SLCO3A1: variants seen among roughly 807,000 people sequenced by gnomAD.
SLCO3A1 encodes the protein solute carrier organic anion transporter family member 3A1.
A neutral mutation model predicts 63.1 loss-of-function variants in SLCO3A1; 27 were observed. The observed-to-expected ratio is 0.43, with a 90% CI of 0.32 to 0.59. The LOEUF is 0.59. Among genes scored for constraint, SLCO3A1 ranks in the 20% least tolerant of loss-of-function variants. The probability of loss-of-function intolerance (pLI) is 0.09; values close to 1 mark genes in which losing one functional copy is unlikely to be tolerated. For synonymous variants in SLCO3A1, 473 were observed against 409.9 expected, an observed-to-expected ratio of 1.15 and a Z score of -1.86; for missense variants, 773 against 945.8, an observed-to-expected ratio of 0.82 and a Z score of 2.40.
intron 2 of SLCO3A1, among the ~76,000 whole-genome samples, chr15:91,933,327 C>G (rs979213428): frequency 2.0e-5 from 3 of 152,098 alleles, no homozygotes; most frequent in Non-Finnish European, 2.9e-5. Context: ...ATCTACAAAC[C>G]AAGAATATTC....
intron 4 of SLCO3A1, 33 bp downstream of exon 4, chr15:92,104,575 C>A (rs1214150330): frequency 6.3e-7 from 1 of 1,598,284 alleles, no homozygotes; most frequent in Admixed American, 1.7e-5. Flanking sequence ...CTGCTCAGAA[C>A]AGTAGGGGGA....
At chr15:92,107,949 G>T (rs1348738169) in intron 4 of SLCO3A1, among the ~76,000 whole-genome samples, 1 of 152,232 alleles carries the variant, frequency 6.6e-6, no homozygotes, top group Non-Finnish European at 1.5e-5. Flanking sequence ...TGTAAGGTCA[G>T]TGTCACTGTT....
At chr15:91,880,403 C>CTGTGTGTG (rs1324272484) in intron 1 of SLCO3A1, among the ~76,000 whole-genome samples, 9 of 140,664 alleles carry the variant, frequency 6.4e-5, no homozygotes, top group East Asian at 2.2e-4. Context: ...CTCTCTCTCT[C>CTGTGTGTG]TCTCTCTGTG....
rs74030470 is a variant in SLCO3A1 at position 92,085,270 on chromosome 15, C to T, written c.647-9611C>T. ...CTGTAAGTTTTGATTTCAGAGTAGC[C>T]GTGTGCCTGCATCTGAATGGACTCC... On this transcript the variant is annotated intron_variant, in intron 2 of 9. Transcript: ENST00000318445. 8.4e-3 allele frequency among the ~76,000 whole-genome samples: 1,272 copies of T among 152,268 alleles called. 15 individuals are homozygous for T. The highest frequency in any genetic ancestry group is 0.029 in the African/African-American group (1,217 of 41,550).
At chr15:92,021,981 G>A (rs2046515208) in intron 2 of SLCO3A1, among the ~76,000 whole-genome samples, 1 of 152,174 alleles carries the variant, frequency 6.6e-6, no homozygotes, top group Admixed American at 6.5e-5. Flanking sequence ...TGGAGTGGCA[G>A]GAAGGCAAAG....
intron 1 of SLCO3A1, among the ~76,000 whole-genome samples, chr15:91,910,982 T>G (rs181850625): frequency 2.6e-5 from 4 of 152,304 alleles, no homozygotes; most frequent in African/African-American, 9.6e-5. Context: ...GTTTTTTTGT[T>G]AAGTGAATGC....
chr15:91,945,221 AATCTC>A (rs888243978), intron 2 of SLCO3A1, among the ~76,000 whole-genome samples: 14 of 152,042 alleles, frequency 9.2e-5, no homozygotes, highest in African/African-American at 3.1e-4. Context: ...GTGTGCCTGT[AATCTC>A]AGCTACTTGG....
intron 1 of SLCO3A1, among the ~76,000 whole-genome samples, chr15:91,907,105 A>G (rs1306582190): frequency 1.3e-5 from 2 of 152,242 alleles, no homozygotes; most frequent in Non-Finnish European, 2.9e-5. Context: ...AATGGAGTAT[A>G]GAGGAAACAG....
intron 2 of SLCO3A1, among the ~76,000 whole-genome samples, chr15:91,990,753 C>T (rs375527231): frequency 6.6e-6 from 1 of 152,152 alleles, no homozygotes; most frequent in Admixed American, 6.5e-5. Context: ...CCCTTCCTGA[C>T]GCATTTGCTG....
chr15:92,169,222 C>A (rs1039287713), downstream of SLCO3A1, among the ~76,000 whole-genome samples: 2 of 152,264 alleles, frequency 1.3e-5, no homozygotes, highest in African/African-American at 2.4e-5. Flanking sequence ...CTCGGAAGGT[C>A]CAGAATTGGC....
At chr15:92,101,973 C>G (rs976664630) in intron 3 of SLCO3A1, among the ~76,000 whole-genome samples, 6 of 152,284 alleles carry the variant, frequency 3.9e-5, no homozygotes, top group African/African-American at 1.2e-4. Flanking sequence ...ATCCCTCTCC[C>G]TGGGTTGTTT....
chr15:91,919,001 G>A (rs1258673429), intron 2 of SLCO3A1, among the ~76,000 whole-genome samples: 1 of 152,208 alleles, frequency 6.6e-6, no homozygotes, highest in Admixed American at 6.5e-5. Context: ...TATGGCATGT[G>A]TAAAACACCA....
In SLCO3A1 at chr15:91,967,171, CA is replaced by C; in HGVS notation, c.646+50718del. The stretch of plus-strand genomic sequence containing the variant: ...CTGCTTTTTATCCTTTCTAAAAAAA[CA>C]AAAAGATTATTAGATGGTAGGAAAC... On this transcript the variant is annotated intron_variant, in intron 2 of 9. Transcript: ENST00000318445. The surrounding 1 kb of genome is among the most constrained non-coding windows in gnomAD (Gnocchi z 4.4). Among the ~76,000 whole-genome samples the C allele has an allele frequency of 3.3e-5, 5 of 152,096 alleles. No individual in the cohort carries two copies. Among genetic ancestry groups the C allele is most frequent in the Admixed American group, 3.3e-4 (5 of 15,292 alleles).
At chr15:91,994,484 A>T (rs984674050) in intron 2 of SLCO3A1, among the ~76,000 whole-genome samples, 2 of 152,222 alleles carry the variant, frequency 1.3e-5, no homozygotes, top group African/African-American at 4.8e-5. Flanking sequence ...AAATGAACTA[A>T]GCAGCCTGGC....
intron 1 of SLCO3A1, among the ~76,000 whole-genome samples, chr15:91,871,765 G>GTTTT (rs33938693): frequency 0.035 from 1,610 of 45,628 alleles, 145 homozygotes; most frequent in African/African-American, 0.095. Flanking sequence ...TTTTTTTTTG[G>GTTTT]TTTTTTTTTT....
At position 91,862,156 on chromosome 15, in the gene SLCO3A1, A is replaced by T. The variant is rs1207319588; in HGVS notation, c.180+8068A>T. On this transcript the variant is annotated intron_variant, in intron 1 of 9. Coordinates refer to ENST00000318445, the MANE Select transcript of SLCO3A1 (RefSeq NM_013272.4). The surrounding 1 kb of genome is among the most constrained non-coding windows in gnomAD (Gnocchi z 4.0). ...TGTAATGATGAAGTCTTATTTTTTT[A>T]TTTTTTATTTTTTTTTTGAGACAGT... Among the ~76,000 whole-genome samples the T allele has an allele frequency of 6.7e-6, 1 of 149,536 alleles. No homozygotes were observed. Among genetic ancestry groups the T allele is most frequent in the Non-Finnish European group, 1.5e-5 (1 of 67,710 alleles).
chr15:92,096,257 A>C (rs540142511), intron 3 of SLCO3A1, among the ~76,000 whole-genome samples: 1 of 152,158 alleles, frequency 6.6e-6, no homozygotes, highest in African/African-American at 2.4e-5. Flanking sequence ...AACCCAAGAG[A>C]AGGTGAGAGA....
intron 2 of SLCO3A1, among the ~76,000 whole-genome samples, chr15:92,037,654 A>G (rs2046744850): frequency 6.6e-6 from 1 of 152,218 alleles, no homozygotes; most frequent in Non-Finnish European, 1.5e-5. Flanking sequence ...CTTTCACTTT[A>G]TCGTCATTCA....
Position 91,867,185 on chromosome 15 carries a change from G to C in SLCO3A1, c.180+13097G>C, listed in dbSNP as rs1009132984. Among the ~76,000 whole-genome samples the C allele has an allele frequency of 3.9e-5, 6 of 152,232 alleles. 1 individual carries two copies. The highest frequency in any genetic ancestry group is 1.4e-4 in the African/African-American group (6 of 41,470). ...TGGATCCCTCTGCCCCTGCTCCCCT[G>C]CTTTGAAGTGGTGTGGTGAAATGTG... On this transcript the variant is annotated intron_variant, in intron 1 of 9. Coordinates refer to ENST00000318445, the MANE Select transcript of SLCO3A1 (RefSeq NM_013272.4).
Sources: allele counts gnomAD v4.1 joint callset (sites outside exome capture counted in the v4.1 genomes callset), GRCh38; gene constraint gnomAD v4.1.1; non-coding constraint Gnocchi (gnomAD v3.1); transcripts MANE v1.5; gene names NCBI Gene and HGNC (gene_info 2026-07-23, HGNC 2026-07-21).